Variants in MTMR7 observed in about 807,000 individuals in gnomAD.
The protein encoded by MTMR7 is myotubularin related protein 7, also known as phosphatidylinositol-3-phosphate phosphatase MTMR7.
MTMR7 carries 76 observed loss-of-function variants against 81.2 expected under a neutral mutation model. The observed-to-expected ratio is 0.94, with a 90% CI of 0.78 to 1.13. MTMR7 has a LOEUF of 1.13. Among genes scored for constraint, MTMR7 ranks in the 50% most tolerant of loss-of-function variants. The pLI is 0.00. For synonymous variants in MTMR7, 372 were observed against 289.8 expected, an observed-to-expected ratio of 1.28 and a Z score of -2.88; for missense variants, 1,044 against 820.0, an observed-to-expected ratio of 1.27 and a Z score of -3.34.
At chr8:17,397,242 T>C (rs1467140234) in intron 1 of MTMR7, among the ~76,000 whole-genome samples, 6 of 151,484 alleles carry the variant, frequency 4.0e-5, no homozygotes, top group South Asian at 2.1e-4. Context: ...AGCTCAGCCA[T>C]AGCGGGATAG....
intron 1 of MTMR7, among the ~76,000 whole-genome samples, chr8:17,404,346 A>G (rs1821514475): frequency 6.6e-6 from 1 of 152,148 alleles, no homozygotes; most frequent in South Asian, 2.1e-4. Context: ...AGAGTACAAG[A>G]GGAGAAAATT....
chr8:17,380,679 C>A (rs924352324), intron 1 of MTMR7, among the ~76,000 whole-genome samples: 1 of 152,142 alleles, frequency 6.6e-6, no homozygotes, highest in African/African-American at 2.4e-5. Flanking sequence ...GAGCTAAGGT[C>A]TGTCTAACTT....
chr8:17,320,828 C>T (rs369518227), intron 7 of MTMR7, among the ~76,000 whole-genome samples: 1 of 152,330 alleles, frequency 6.6e-6, no homozygotes, highest in East Asian at 1.9e-4. Context: ...CCAGCACCCT[C>T]CATGAGCTCT....
intron 6 of MTMR7, among the ~76,000 whole-genome samples, chr8:17,338,218 C>A (rs1370973051): frequency 1.3e-5 from 2 of 152,180 alleles, no homozygotes; most frequent in Non-Finnish European, 2.9e-5. Context: ...GGATCAGTGT[C>A]AAACTCATCG....
At chr8:17,344,302 C>T (rs1563348332) in intron 5 of MTMR7, among the ~76,000 whole-genome samples, 1 of 152,150 alleles carries the variant, frequency 6.6e-6, no homozygotes, top group Non-Finnish European at 1.5e-5. Context: ...GGTCAGGCAG[C>T]ACAATACCTT....
rs753690073 is a variant in MTMR7 at position 17,348,965 on chromosome 8, A to G, written c.585T>C (p.Tyr195=). The G allele has an allele frequency of 1.2e-6, 2 of 1,613,822 alleles. No homozygotes were observed. The highest frequency in any genetic ancestry group is 1.3e-5 in the African/African-American group (1 of 74,880). Residue 195 remains tyrosine (Y), a synonymous_variant, in exon 5 of 14, where the codon TAT becomes TAC. Transcript: ENST00000180173. The part of the protein sequence containing the change: ...RRRFPVLSYY[Y]KDNHASICRS... The stretch of plus-strand genomic sequence containing the variant: ...CCTCGAGACTTACGTGGTTATCTTT[A>G]TAATAGTAAGAAAGGACAGGAAATC...
intron 1 of MTMR7, among the ~76,000 whole-genome samples, chr8:17,403,530 T>C (rs557661459): frequency 6.6e-5 from 10 of 152,340 alleles, no homozygotes; most frequent in Admixed American, 4.6e-4. Context: ...GTTTTGTTCT[T>C]TTTGCACAGA....
chr8:17,339,222 T>G (rs940711948), intron 6 of MTMR7, among the ~76,000 whole-genome samples: 1 of 152,220 alleles, frequency 6.6e-6, no homozygotes, highest in Non-Finnish European at 1.5e-5. Flanking sequence ...TTACCCTTCC[T>G]GTTGTAATGT....
At chr8:17,384,534 A>G (rs1047905563) in intron 1 of MTMR7, among the ~76,000 whole-genome samples, 4 of 152,228 alleles carry the variant, frequency 2.6e-5, no homozygotes, top group African/African-American at 9.6e-5. Flanking sequence ...CACAGAAACA[A>G]TAGAGTATGC....
At chr8:17,313,804 C>G (rs1457017173) in intron 7 of MTMR7, among the ~76,000 whole-genome samples, 1 of 152,118 alleles carries the variant, frequency 6.6e-6, no homozygotes, top group East Asian at 1.9e-4. Flanking sequence ...TAGCACCTAC[C>G]CACTTAGAAG....
chr8:17,327,637 C>A (rs1482877798), intron 7 of MTMR7, among the ~76,000 whole-genome samples: 1 of 120,080 alleles, frequency 8.3e-6, no homozygotes, highest in African/African-American at 5.7e-5. Context: ...AGGAAGAAAC[C>A]TGGTAAAAAA....
At position 17,413,332 on chromosome 8, in the gene MTMR7, T is replaced by A; in HGVS notation, c.-40A>T. The A allele has an allele frequency of 6.6e-7, 1 of 1,515,804 alleles. No homozygotes were observed. The highest frequency in any genetic ancestry group is 8.8e-7 in the Non-Finnish European group (1 of 1,131,356). 93.9% of individuals were successfully genotyped at this position (1,515,804 alleles called of 1,614,324 possible). ...TGCAGGGTCCCGGGCGGGCGCGGCC[T>A]CACGCACCTGCGCGCCTCTGCGGCG... is the stretch of plus-strand genomic sequence containing the variant. On this transcript the variant is annotated 5_prime_UTR_variant, in exon 1 of 14. Coordinates refer to ENST00000180173, the MANE Select transcript of MTMR7 (RefSeq NM_004686.5).
At chr8:17,402,028 T>G (rs552596112) in intron 1 of MTMR7, among the ~76,000 whole-genome samples, 1 of 152,290 alleles carries the variant, frequency 6.6e-6, no homozygotes, top group Non-Finnish European at 1.5e-5. Context: ...CTTTTGAAAG[T>G]AGTCTGATAT....
chr8:17,354,161 A>G (rs1026415874), intron 4 of MTMR7, among the ~76,000 whole-genome samples: 2 of 152,208 alleles, frequency 1.3e-5, no homozygotes, highest in Non-Finnish European at 2.9e-5. Flanking sequence ...CTATACAGAC[A>G]ATCTTCTTAA....
At position 17,297,556 on chromosome 8, in the gene MTMR7, C is replaced by CTATTAT. The variant is rs3216865; in HGVS notation, c.*2305_*2306insATAATA. The CTATTAT allele has an allele frequency of 1.2e-4, 18 of 151,572 alleles. No homozygotes were observed. Among genetic ancestry groups the CTATTAT allele is most frequent in the African/African-American group, 3.4e-4 (14 of 41,266 alleles). The allele number at this position is 151,572 out of a possible 1,614,324, so 9.4% of individuals were successfully genotyped here. A position where few individuals can be genotyped will look rare whatever the true frequency, so the allele number is the denominator to read the frequency against. ...GCTGGGTCATGGTCAAAATTCTTAC[C>CTATTAT]TATTTATTTCATATCAACTTTAAAA... On this transcript the variant is annotated 3_prime_UTR_variant, in exon 14 of 14. Coordinates refer to ENST00000180173, the MANE Select transcript of MTMR7 (RefSeq NM_004686.5).
At chr8:17,407,440 A>T (rs1349064710) in intron 1 of MTMR7, among the ~76,000 whole-genome samples, 2 of 152,182 alleles carry the variant, frequency 1.3e-5, no homozygotes, top group African/African-American at 4.8e-5. Flanking sequence ...ATATATACCA[A>T]CTATAAAACT....
At chr8:17,304,300 C>G in intron 12 of MTMR7, 79 bp downstream of exon 12, 1 of 1,501,264 alleles carries the variant, frequency 6.7e-7, no homozygotes, top group Non-Finnish European at 9.2e-7. Flanking sequence ...CAGTGTCATA[C>G]ACTTTGACCT....
At chr8:17,355,907 A>T (rs1171503481) in intron 4 of MTMR7, among the ~76,000 whole-genome samples, 1 of 152,174 alleles carries the variant, frequency 6.6e-6, no homozygotes, top group East Asian at 1.9e-4. Context: ...TTTGGCTCAA[A>T]GTTAAGACCA....
intron 12 of MTMR7, 89 bp from the exon 13 acceptor site, chr8:17,302,369 C>G: frequency 7.3e-7 from 1 of 1,371,566 alleles, no homozygotes; most frequent in South Asian, 1.5e-5. Flanking sequence ...TATGATACCA[C>G]AGTCTTAATA....
Sources: gnomAD v4.1 joint callset for allele counts (sites outside exome capture counted in the v4.1 genomes callset) on GRCh38, gnomAD v4.1.1 for gene constraint, MANE v1.5 for transcripts, NCBI Gene and HGNC (gene_info 2026-07-23, HGNC 2026-07-21) for gene names.